Variants in SNX6 observed in about 807,000 individuals in gnomAD.
SNX6 encodes sorting nexin-6.
Under a neutral mutation model 63.0 loss-of-function variants are expected in SNX6, and 34 were observed. The ratio of observed to expected loss-of-function variants is 0.54; its 90% CI spans 0.41 to 0.72. The LOEUF is 0.72. SNX6 is among the 30% of genes least tolerant of loss of function. The pLI, the probability that SNX6 is intolerant of heterozygous loss-of-function variation, is 0.00. For missense variants in SNX6, 398 were observed against 471.4 expected, an observed-to-expected ratio of 0.84 and a Z score of 1.44; for synonymous variants, 170 against 164.2, an observed-to-expected ratio of 1.04 and a Z score of -0.27.
chr14:34,587,532 C>CAAAA lies in SNX6; in HGVS notation c.719-1231_719-1228dup, dbSNP rs34380966. Among the ~76,000 whole-genome samples, 86 of 57,832 alleles carry CAAAA rather than the reference C, an allele frequency of 1.5e-3. 4 individuals are homozygous for CAAAA. Among genetic ancestry groups the CAAAA allele is most frequent in the African/African-American group, 3.2e-3 (44 of 13,830 alleles). 37.9% of individuals were successfully genotyped at this position (57,832 alleles called of 152,430 possible). ...TGGGCGACAGAGCAAGACTCCATCT[C>CAAAA]AAAAAAAAAAAAAAAAAAAAAAAAA... On this transcript the variant is annotated intron_variant, in intron 8 of 13. Coordinates refer to ENST00000362031, the MANE Select transcript of SNX6 (RefSeq NM_152233.4).
At chr14:34,599,199 A>G (rs1421357671) in intron 6 of SNX6, among the ~76,000 whole-genome samples, 1 of 152,224 alleles carries the variant, frequency 6.6e-6, no homozygotes, top group Non-Finnish European at 1.5e-5. Flanking sequence ...AATACTACCC[A>G]TAAGCTCTTT....
intron 6 of SNX6, among the ~76,000 whole-genome samples, chr14:34,599,721 C>T (rs1280283685): frequency 4.8e-5 from 7 of 146,854 alleles, no homozygotes; most frequent in Non-Finnish European, 8.9e-5. Flanking sequence ...TTGCACTGAG[C>T]GGAGATCACA....
intron 4 of SNX6, among the ~76,000 whole-genome samples, chr14:34,606,357 G>A (rs1397069356): frequency 6.6e-6 from 1 of 151,662 alleles, no homozygotes. Context: ...CTGGCCTCAG[G>A]TGATCCACCC....
intron 11 of SNX6, chr14:34,569,014 A>G (rs1447261302): frequency 1.4e-6 from 2 of 1,465,478 alleles, no homozygotes; most frequent in Non-Finnish European, 1.9e-6. Flanking sequence ...CTTGGCCAGC[A>G]GCTTGACGGT....
chr14:34,617,913 T>G (rs1401114019), intron 2 of SNX6, among the ~76,000 whole-genome samples: 2 of 149,090 alleles, frequency 1.3e-5, no homozygotes, highest in African/African-American at 4.9e-5. Flanking sequence ...AGAGCAAGAC[T>G]GCCTCCAAAA....
At chr14:34,573,743 A>G (rs1432698215) in intron 11 of SNX6, among the ~76,000 whole-genome samples, 1 of 151,750 alleles carries the variant, frequency 6.6e-6, no homozygotes, top group African/African-American at 2.4e-5. Context: ...CCTGGGTTCA[A>G]ACAATTCTCC....
chr14:34,596,067 A>G (rs1882584038), intron 7 of SNX6, among the ~76,000 whole-genome samples: 1 of 151,844 alleles, frequency 6.6e-6, no homozygotes, highest in South Asian at 2.1e-4. Flanking sequence ...AAAATACAAA[A>G]AAATTAGCTG....
chr14:34,609,757 C>A lies in SNX6; in HGVS notation c.55-15G>T, dbSNP rs1461396623. On this transcript the variant is annotated splice_polypyrimidine_tract_variant and intron_variant, in intron 2 of 13. Coordinates refer to ENST00000362031, the MANE Select transcript of SNX6 (RefSeq NM_152233.4). ...ATTGCTTTAAGCTAGAAAAAGAAAA[C>A]CAGTATCTTCATGAAAATCATGTTT... The A allele has an allele frequency of 6.7e-7, 1 of 1,488,164 alleles. No individual in the cohort carries two copies. Among genetic ancestry groups the A allele is most frequent in the Non-Finnish European group, 9.3e-7 (1 of 1,076,490 alleles). 92.2% of individuals were successfully genotyped at this position (1,488,164 alleles called of 1,614,324 possible).
chr14:34,605,586 A>C lies in SNX6; in HGVS notation c.392+10T>G, dbSNP rs757115273. 4 of 1,546,320 alleles carry C rather than the reference A, an allele frequency of 2.6e-6. No individual in the cohort carries two copies. Among genetic ancestry groups the C allele is most frequent in the Non-Finnish European group, 3.5e-6 (4 of 1,154,926 alleles). On this transcript the variant is annotated intron_variant, in intron 5 of 13. Coordinates refer to ENST00000362031, the MANE Select transcript of SNX6 (RefSeq NM_152233.4). Reference sequence around the variant, plus strand: ...AAAAAAAAAAACAAAAAAATAAAAAAATCACTTACGCTTCCAGTTCCTGTT... The same window carrying C: ...AAAAAAAAAAACAAAAAAATAAAAACATCACTTACGCTTCCAGTTCCTGTT...
At chr14:34,573,558 G>C (rs1330661727) in intron 11 of SNX6, among the ~76,000 whole-genome samples, 1 of 151,796 alleles carries the variant, frequency 6.6e-6, no homozygotes, top group Non-Finnish European at 1.5e-5. Flanking sequence ...CTGGGCAACA[G>C]GGCGAGACTC....
chr14:34,610,196 A>G (rs377593923), intron 2 of SNX6, among the ~76,000 whole-genome samples: 7 of 151,662 alleles, frequency 4.6e-5, no homozygotes, highest in Admixed American at 3.9e-4. Context: ...TTGAAAAAAA[A>G]AAAAGAAAAG....
intron 11 of SNX6, chr14:34,569,096 G>T: frequency 1.0e-6 from 1 of 985,448 alleles, no homozygotes; most frequent in Non-Finnish European, 1.6e-6. Flanking sequence ...ATGAACTCCT[G>T]CTGGTTCACA....
rs186460601 is a variant in SNX6, at chr14:34,572,671, G to A, written c.921+3085C>T. Among the ~76,000 whole-genome samples the A allele has an allele frequency of 2.9e-3, 444 of 151,018 alleles. 4 individuals are homozygous for A. The highest frequency in any genetic ancestry group is 0.01 in the African/African-American group (425 of 41,126). ...TTTTCAGTGCTTTTCAGTTATTTGT[G>A]TTTTTTTTGTTTTTTTTTGTTTTTT... On this transcript the variant is annotated intron_variant, in intron 11 of 13. Transcript: ENST00000362031.
At chr14:34,573,307 G>A (rs936227281) in intron 11 of SNX6, among the ~76,000 whole-genome samples, 4 of 152,142 alleles carry the variant, frequency 2.6e-5, no homozygotes, top group Non-Finnish European at 5.9e-5. Flanking sequence ...AGGCGGGATG[G>A]TTCACGCCTG....
intron 2 of SNX6, among the ~76,000 whole-genome samples, chr14:34,627,605 T>A (rs1312879835): frequency 6.6e-6 from 1 of 152,200 alleles, no homozygotes; most frequent in African/African-American, 2.4e-5. Context: ...TTCTCCTGCC[T>A]CAGCCTCTGA....
At chr14:34,604,390 C>T in intron 5 of SNX6, 1 of 808,272 alleles carries the variant, frequency 1.2e-6, no homozygotes, top group Non-Finnish European at 1.6e-6. Flanking sequence ...TATCTGTCTG[C>T]TATCAGACCG....
intron 11 of SNX6, among the ~76,000 whole-genome samples, chr14:34,572,384 A>C (rs1047534691): frequency 2.6e-5 from 4 of 152,164 alleles, no homozygotes; most frequent in Non-Finnish European, 5.9e-5. Flanking sequence ...TTGTCTCTGC[A>C]AAAAATTAAA....
intron 11 of SNX6, among the ~76,000 whole-genome samples, chr14:34,573,452 G>A (rs1035866504): frequency 6.6e-6 from 1 of 152,024 alleles, no homozygotes; most frequent in African/African-American, 2.4e-5. Context: ...GCAAGTGCCT[G>A]TAGTCCCAGC....
At chr14:34,573,433 G>A (rs954253948) in intron 11 of SNX6, among the ~76,000 whole-genome samples, 2 of 151,982 alleles carry the variant, frequency 1.3e-5, no homozygotes, top group Non-Finnish European at 2.9e-5. Context: ...AAATTATCCA[G>A]GCATGGTGGC....
Sources: gnomAD v4.1 joint callset for allele counts (sites outside exome capture counted in the v4.1 genomes callset) on GRCh38, gnomAD v4.1.1 for gene constraint, MANE v1.5 for transcripts, NCBI Gene and HGNC (gene_info 2026-07-23, HGNC 2026-07-21) for gene names.